The following ARHGAP26 variants were observed in gnomAD, a reference collection of about 807,000 sequenced individuals.
The protein encoded by ARHGAP26 is rho GTPase-activating protein 26.
In ARHGAP26, 38 loss-of-function variants were observed where a neutral mutation model predicts 104.8. The observed-to-expected ratio is 0.36, with a 90% confidence interval of 0.28 to 0.48. The LOEUF (loss-of-function observed/expected upper bound fraction) is 0.48, where lower values mean the gene tolerates loss of function less well. ARHGAP26 is among the 20% of genes least tolerant of loss of function. ARHGAP26 has a pLI of 0.99. For synonymous variants in ARHGAP26, 341 were observed against 340.0 expected (o/e 1.00, Z -0.03); for missense variants, 704 against 947.9 (o/e 0.74, Z 3.38).
intron 20 of ARHGAP26, chr5:143,170,233 T>C (rs187080922): frequency 6.6e-6 from 1 of 152,284 alleles, no homozygotes; most frequent in East Asian, 1.9e-4. Context: ...TGGCCCCTTG[T>C]CTTCTGTGAG....
chr5:143,206,461 A>G (rs548355155), intron 20 of ARHGAP26, among the ~76,000 whole-genome samples: 14 of 152,356 alleles, frequency 9.2e-5, no homozygotes, highest in African/African-American at 3.4e-4. Context: ...CAAGGAACAA[A>G]ATGAACAAAT....
intron 20 of ARHGAP26, chr5:143,164,966 C>G (rs756816512): frequency 1.3e-5 from 2 of 152,156 alleles, no homozygotes; most frequent in Non-Finnish European, 2.9e-5. Context: ...ATGTAGAACC[C>G]TATTTGTATG....
At chr5:142,829,741 GA>G (rs1420467799) in intron 1 of ARHGAP26, among the ~76,000 whole-genome samples, 3 of 152,210 alleles carry the variant, frequency 2.0e-5, no homozygotes, top group Non-Finnish European at 4.4e-5. Context: ...AGGTAATGGT[GA>G]ACAAGGAGTG....
intron 12 of ARHGAP26, among the ~76,000 whole-genome samples, chr5:143,030,173 A>C (rs1781652644): frequency 6.6e-6 from 1 of 152,356 alleles, no homozygotes; most frequent in African/African-American, 2.4e-5. Context: ...AGTGATTTTC[A>C]GAAGAGGGGC....
intron 14 of ARHGAP26, among the ~76,000 whole-genome samples, chr5:143,043,689 G>A (rs1274598850): frequency 6.6e-6 from 1 of 152,192 alleles, no homozygotes. Context: ...GCAAACATTT[G>A]TGGGGTGTCT....
intron 19 of ARHGAP26, among the ~76,000 whole-genome samples, chr5:143,143,283 C>T (rs180724742): frequency 8.7e-4 from 133 of 152,290 alleles, no homozygotes; most frequent in African/African-American, 3.1e-3. Context: ...GCTTTCCTGG[C>T]CTCGCCTCTG....
intron 6 of ARHGAP26, among the ~76,000 whole-genome samples, chr5:142,901,608 C>A (rs1053414633): frequency 4.6e-5 from 7 of 152,216 alleles, no homozygotes; most frequent in African/African-American, 1.7e-4. Flanking sequence ...AGGGCAAGGG[C>A]ATGGGTGTTG....
rs1233520377 is a variant in ARHGAP26 at position 143,227,437 on chromosome 5, A to G, written c.*4991A>G. 8 of 231,010 alleles carry G rather than the reference A, an allele frequency of 3.5e-5. No individual in the cohort carries two copies. The highest frequency in any genetic ancestry group is 6.9e-5 in the Non-Finnish European group (8 of 116,712). The allele number at this position is 231,010 out of a possible 1,614,324, so 14.3% of individuals were successfully genotyped here. A position where few individuals can be genotyped will look rare whatever the true frequency, so the allele number is the denominator to read the frequency against. ...CCCACCCTGTGCTGGTGTCTAACAAATTTATCTTGTCATGCTCAAATGTGT... is the reference window on the plus strand; with the variant it reads ...CCCACCCTGTGCTGGTGTCTAACAAGTTTATCTTGTCATGCTCAAATGTGT... On this transcript the variant is annotated 3_prime_UTR_variant, in exon 23 of 23. Transcript: ENST00000645722.
At chr5:142,774,739 C>T (rs572311569) in intron 1 of ARHGAP26, among the ~76,000 whole-genome samples, 1 of 152,016 alleles carries the variant, frequency 6.6e-6, no homozygotes, top group East Asian at 1.9e-4. Context: ...ACCTATTCAT[C>T]CCTCCCTCCC....
At chr5:142,795,115 A>C (rs1760719086) in intron 1 of ARHGAP26, among the ~76,000 whole-genome samples, 1 of 152,192 alleles carries the variant, frequency 6.6e-6, no homozygotes, top group African/African-American at 2.4e-5. Context: ...CAGGTCATAC[A>C]AACACAAGGC....
intron 17 of ARHGAP26, among the ~76,000 whole-genome samples, chr5:143,107,519 A>G (rs1408021781): frequency 1.3e-5 from 2 of 152,178 alleles, no homozygotes; most frequent in African/African-American, 2.4e-5. Context: ...TTTTCTGTTG[A>G]GCCAGGCAAA....
At chr5:142,988,076 C>T (rs1001323382) in intron 11 of ARHGAP26, among the ~76,000 whole-genome samples, 5 of 152,178 alleles carry the variant, frequency 3.3e-5, no homozygotes, top group African/African-American at 7.2e-5. Context: ...ATGGTACCAC[C>T]TCCTCTTTGT....
Position 143,057,630 on chromosome 5 carries a change from C to T in ARHGAP26, c.1433-12C>T. The T allele has an allele frequency of 6.2e-7, 1 of 1,610,674 alleles. No homozygotes were observed. The highest frequency in any genetic ancestry group is 8.5e-7 in the Non-Finnish European group (1 of 1,177,340). ...ACACTGATAAGATATTACCTCCCTC[C>T]TTCCTTTGCAGAACTGGAGAACCAG... On this transcript the variant is annotated splice_polypyrimidine_tract_variant and intron_variant, in intron 16 of 22. Transcript: ENST00000645722.
intron 1 of ARHGAP26, among the ~76,000 whole-genome samples, chr5:142,840,775 C>G (rs1282511877): frequency 2.0e-5 from 3 of 152,180 alleles, no homozygotes. Flanking sequence ...CAAACATGGA[C>G]TTGTTCACAG....
chr5:142,903,626 C>G lies in ARHGAP26; in HGVS notation c.789C>G (p.Ile263Met), dbSNP rs1275776214. Residue 263 changes from isoleucine (I) to methionine (M), a missense_variant, in exon 8 of 23, where the codon ATC becomes ATG. This residue lies in a region of ARHGAP26 where 287 missense variants were observed against 438.8 expected (regional missense o/e 0.65). Transcript: ENST00000645722. ...MKENPLEHKT[I>M]SPYTMEGYLY... is the part of the protein sequence containing the mutation. The stretch of plus-strand genomic sequence containing the variant: ...AGAATCCCCTTGAGCACAAGACCAT[C>G]AGTCCCTACACCATGGAGGGATACC... The G allele has an allele frequency of 7.4e-6, 12 of 1,614,076 alleles. No homozygotes were observed. Among genetic ancestry groups the G allele is most frequent in the Non-Finnish European group, 1.0e-5 (12 of 1,179,948 alleles).
intron 20 of ARHGAP26, among the ~76,000 whole-genome samples, chr5:143,154,160 TA>T (rs10650559): frequency 5.7e-4 from 81 of 142,406 alleles, no homozygotes; most frequent in Admixed American, 7.0e-4. Flanking sequence ...TTAAAAATAT[TA>T]AAAAAAAAAA....
chr5:143,041,851 G>C lies in ARHGAP26; in HGVS notation c.1246G>C (p.Val416Leu). 8 of 1,602,880 alleles carry C rather than the reference G, an allele frequency of 5.0e-6. No individual in the cohort carries two copies. The highest frequency in any genetic ancestry group is 6.8e-6 in the Non-Finnish European group (8 of 1,174,280). Reference sequence around the variant, plus strand: ...GCAAGGGCTGTATCGAATTGTGGGTGTCAACTCCAGAGTGCAGAAGTTGCT... The same window carrying C: ...GCAAGGGCTGTATCGAATTGTGGGTCTCAACTCCAGAGTGCAGAAGTTGCT... Reference protein sequence around the residue: ...NEQGLYRIVGVNSRVQKLLSV... With the variant: ...NEQGLYRIVGLNSRVQKLLSV... Residue 416 changes from valine to leucine, a missense_variant, in exon 14 of 23, where the codon GTC becomes CTC. Coordinates refer to ENST00000645722, the MANE Select transcript of ARHGAP26 (RefSeq NM_001135608.3).
chr5:143,180,078 C>T (rs188488632), intron 20 of ARHGAP26, among the ~76,000 whole-genome samples: 121 of 152,256 alleles, frequency 7.9e-4, no homozygotes, highest in Middle Eastern at 3.4e-3. Flanking sequence ...AGGCTCCTTT[C>T]CCCTTAAGAG....
intron 11 of ARHGAP26, among the ~76,000 whole-genome samples, chr5:142,998,543 G>A (rs1053989516): frequency 6.6e-6 from 1 of 152,132 alleles, no homozygotes; most frequent in Non-Finnish European, 1.5e-5. Flanking sequence ...GTGTGCTTTT[G>A]TTCTCTCTAA....
Sources: allele counts gnomAD v4.1 joint callset (sites outside exome capture counted in the v4.1 genomes callset), GRCh38; gene constraint gnomAD v4.1.1; regional missense constraint gnomAD v4.1.1; transcripts MANE v1.5; gene names NCBI Gene and HGNC (gene_info 2026-07-23, HGNC 2026-07-21).